Variants in KIF1B observed in about 807,000 individuals in gnomAD.
KIF1B encodes kinesin-like protein KIF1B.
KIF1B carries 76 observed loss-of-function variants against 241.9 expected under a neutral mutation model. The observed-to-expected ratio is 0.31, with a 90% confidence interval of 0.26 to 0.38. KIF1B has a LOEUF of 0.38. KIF1B is among the 10% of genes least tolerant of loss of function. The probability of loss-of-function intolerance (pLI) is 1.00; values close to 1 mark genes in which losing one functional copy is unlikely to be tolerated. For synonymous variants in KIF1B, 750 were observed against 796.7 expected (o/e 0.94, Z 0.99); for missense variants, 1,622 against 2,271.4 (o/e 0.71, Z 5.81).
intron 38 of KIF1B, among the ~76,000 whole-genome samples, chr1:10,355,214 G>T (rs986480377): frequency 1.3e-5 from 2 of 152,138 alleles, no homozygotes; most frequent in African/African-American, 4.8e-5. Flanking sequence ...ATGGAATTGT[G>T]TTCCATGGGA....
intron 34 of KIF1B, among the ~76,000 whole-genome samples, chr1:10,345,345 A>C (rs1045886070): frequency 6.6e-6 from 1 of 152,172 alleles, no homozygotes; most frequent in African/African-American, 2.4e-5. Flanking sequence ...ATTGTGATTT[A>C]ATTGATCTGG....
Position 10,213,160 on chromosome 1 carries a change from GT to G in KIF1B, c.-80+2284del, listed in dbSNP as rs1391401506. Among the ~76,000 whole-genome samples, 6 of 151,668 alleles carry G rather than the reference GT, an allele frequency of 4.0e-5. No individual in the cohort carries two copies. In the East Asian group the frequency reaches 1.2e-3, roughly 29 times the overall value. On this transcript the variant is annotated intron_variant, in intron 1 of 48. Transcript: ENST00000676179. The stretch of plus-strand genomic sequence containing the variant: ...TATTTCTAAGTTTTTAATTTTTAGA[GT>G]TACTTTATTAGTATAAAGATCTGAA...
chr1:10,229,007 T>G (rs752366934), intron 1 of KIF1B, among the ~76,000 whole-genome samples: 4 of 152,084 alleles, frequency 2.6e-5, no homozygotes, highest in Non-Finnish European at 5.9e-5. Flanking sequence ...TTTTTGGACA[T>G]GAGGAGAGTT....
intron 22 of KIF1B, among the ~76,000 whole-genome samples, chr1:10,314,525 TC>T (rs151254021): frequency 0.072 from 10,966 of 151,420 alleles, 595 homozygotes; most frequent in Non-Finnish European, 0.11. Flanking sequence ...GCTCAAGTGA[TC>T]CTCCCACCTT....
chr1:10,343,588 G>A (rs1172674850), intron 34 of KIF1B, among the ~76,000 whole-genome samples: 7 of 151,816 alleles, frequency 4.6e-5, no homozygotes, highest in South Asian at 2.1e-4. Context: ...TGAAACCCTC[G>A]TCTCTACTAA....
intron 22 of KIF1B, chr1:10,304,574 T>G: frequency 6.2e-7 from 1 of 1,614,134 alleles, no homozygotes; most frequent in Non-Finnish European, 8.5e-7. Flanking sequence ...TGTAGCCAGT[T>G]TGTGACACCT....
At chr1:10,364,675 C>T (rs1638515417) in intron 41 of KIF1B, among the ~76,000 whole-genome samples, 1 of 152,110 alleles carries the variant, frequency 6.6e-6, no homozygotes, top group Non-Finnish European at 1.5e-5. Flanking sequence ...TCCCATATAT[C>T]TTCAGACCAA....
intron 29 of KIF1B, among the ~76,000 whole-genome samples, 157 bp downstream of exon 29, chr1:10,336,899 A>T (rs375470488): frequency 1.3e-4 from 20 of 152,304 alleles, no homozygotes; most frequent in East Asian, 1.2e-3. Flanking sequence ...ATGAAGGTAA[A>T]GGTGTATAGA....
In KIF1B at chr1:10,257,536, C is replaced by T. The variant is rs542470735; in HGVS notation, c.184-957C>T. 5.3e-5 allele frequency among the ~76,000 whole-genome samples: 8 copies of T among 151,888 alleles called. No homozygotes were observed. The East Asian group carries it at 9.7e-4, about 18-fold the overall frequency. On this transcript the variant is annotated intron_variant, in intron 3 of 48. Transcript: ENST00000676179. ...GGGAAACAAAAGATTACCAGTATTA[C>T]GAAAATGCAGAGTAGGGCCCTTCCT... is the stretch of plus-strand genomic sequence containing the variant.
At position 10,337,588 on chromosome 1, in the gene KIF1B, C is replaced by CTTG; in HGVS notation, c.3422+57_3422+59dup. ...CTAGCTGCTAACCGAGGTGACATCT[C>CTTG]TTGTGCACTGTAGAGTGCTTTACAT... is the stretch of plus-strand genomic sequence containing the variant. On this transcript the variant is annotated intron_variant, in intron 31 of 48. Transcript: ENST00000676179. This position sits in a 1 kb window ranked among gnomAD's most constrained non-coding sequence, Gnocchi z 4.0. 4 of 1,588,596 alleles carry CTTG rather than the reference C, an allele frequency of 2.5e-6. No individual in the cohort carries two copies. The highest frequency in any genetic ancestry group is 3.5e-6 in the Non-Finnish European group (4 of 1,157,016).
At chr1:10,346,545 A>G (rs1652597235) in intron 35 of KIF1B, among the ~76,000 whole-genome samples, 1 of 152,018 alleles carries the variant, frequency 6.6e-6, no homozygotes, top group Non-Finnish European at 1.5e-5. Flanking sequence ...TTGTATTTTT[A>G]GTAGAGGCAG....
chr1:10,372,808 A>C (rs1167839207), intron 45 of KIF1B, among the ~76,000 whole-genome samples: 1 of 143,762 alleles, frequency 7.0e-6, no homozygotes, highest in Non-Finnish European at 1.5e-5. Flanking sequence ...TTTTTATTTT[A>C]TTTTATTTAT....
intron 36 of KIF1B, 120 bp downstream of exon 36, chr1:10,347,947 G>T (rs372157512): frequency 1.2e-6 from 1 of 818,276 alleles, no homozygotes; most frequent in Non-Finnish European, 2.0e-6. Flanking sequence ...GCGGGGCATT[G>T]TCCTGTTGTC....
intron 4 of KIF1B, among the ~76,000 whole-genome samples, chr1:10,261,450 G>A (rs1486289638): frequency 2.6e-5 from 4 of 151,720 alleles, no homozygotes; most frequent in African/African-American, 9.7e-5. Context: ...CACCATGTTG[G>A]CCAAGATGTT....
chr1:10,224,755 A>C (rs1646889395), intron 1 of KIF1B, among the ~76,000 whole-genome samples: 1 of 152,150 alleles, frequency 6.6e-6, no homozygotes, highest in South Asian at 2.1e-4. Context: ...ATGCTGTTTA[A>C]ATGTTAGTTT....
chr1:10,214,588 C>T (rs12124501), intron 1 of KIF1B, among the ~76,000 whole-genome samples: 78,676 of 142,416 alleles, frequency 0.55, 22,094 homozygotes, highest in African/African-American at 0.72. Flanking sequence ...GTGCCCTGCC[C>T]TTTTTTTTTT....
intron 5 of KIF1B, among the ~76,000 whole-genome samples, chr1:10,262,596 G>C (rs1648212014): frequency 6.6e-6 from 1 of 152,154 alleles, no homozygotes; most frequent in African/African-American, 2.4e-5. Flanking sequence ...CACTAGGAGG[G>C]TGTAAGCACC....
At chr1:10,248,364 T>A (rs1308898496) in intron 2 of KIF1B, among the ~76,000 whole-genome samples, 1 of 152,062 alleles carries the variant, frequency 6.6e-6, no homozygotes, top group Non-Finnish European at 1.5e-5. Flanking sequence ...CATACTTGGC[T>A]AATTTTTTGT....
At chr1:10,373,616 A>C in intron 45 of KIF1B, among the ~76,000 whole-genome samples, 1 of 152,202 alleles carries the variant, frequency 6.6e-6, no homozygotes. Context: ...ATACAATGCT[A>C]TGTTACTCTA....
Sources: allele counts gnomAD v4.1 joint callset (sites outside exome capture counted in the v4.1 genomes callset), GRCh38; gene constraint gnomAD v4.1.1; non-coding constraint Gnocchi (gnomAD v3.1); transcripts MANE v1.5; gene names NCBI Gene and HGNC (gene_info 2026-07-23, HGNC 2026-07-21).